Variants in TFIP11 observed in about 807,000 individuals in gnomAD.
The protein encoded by TFIP11 is tuftelin interacting protein 11, also known as tuftelin-interacting protein 11.
TFIP11 carries 86 observed loss-of-function variants against 96.8 expected under a neutral mutation model. The ratio of observed to expected loss-of-function variants is 0.89; its 90% confidence interval spans 0.75 to 1.06. The LOEUF is 1.06. TFIP11 is among the 50% of genes least tolerant of loss of function. TFIP11 has a pLI of 0.00. For missense variants in TFIP11, 881 were observed against 1,076.7 expected (o/e 0.82, Z 2.54); for synonymous variants, 405 against 395.2 (o/e 1.02, Z -0.29).
intron 6 of TFIP11, 142 bp downstream of exon 6, chr22:26,506,161 G>C: frequency 1.3e-6 from 1 of 785,770 alleles, no homozygotes. Flanking sequence ...GGTAGCTTAG[G>C]AACGCAAATG....
At position 26,495,712 on chromosome 22, in the gene TFIP11, A is replaced by AT. The variant is rs1027763702; in HGVS notation, c.1849+360dup. On this transcript the variant is annotated intron_variant, in intron 12 of 14. Coordinates refer to ENST00000407690, the MANE Select transcript of TFIP11 (RefSeq NM_012143.4). ...TGTGTGTGTGTGTGTATGTATATAT[A>AT]TTTTTTTTGCTAACCTGGAAATAAC... 2.6e-5 allele frequency among the ~76,000 whole-genome samples: 4 copies of AT among 150,976 alleles called. No homozygotes were observed. In the South Asian group the frequency reaches 6.3e-4, roughly 24 times the overall value.
chr22:26,506,650 C>A, intron 5 of TFIP11, 125 bp downstream of exon 5: 1 of 1,383,570 alleles, frequency 7.2e-7, no homozygotes, highest in Non-Finnish European at 1.0e-6. Flanking sequence ...TCACAGAAAC[C>A]TGCCACCAAA....
In TFIP11 at chr22:26,503,806, A is replaced by G. The variant is rs528321103; in HGVS notation, c.521-13T>C. ...GGGTTAATGATACCTGAGGAATTTC[A>G]GCAAAAAAAAAAGAGAGTCTTACGA... On this transcript the variant is annotated splice_polypyrimidine_tract_variant and intron_variant, in intron 6 of 14. Coordinates refer to ENST00000407690, the MANE Select transcript of TFIP11 (RefSeq NM_012143.4). 1 of 1,606,018 alleles carries G rather than the reference A, an allele frequency of 6.2e-7. No individual in the cohort carries two copies. The highest frequency in any genetic ancestry group is 2.2e-5 in the East Asian group (1 of 44,830).
In TFIP11 at chr22:26,491,250, C is replaced by A. The variant is rs1921133892; in HGVS notation, c.*763G>T. On this transcript the variant is annotated 3_prime_UTR_variant, in exon 15 of 15. Transcript: ENST00000407690. Reference sequence around the variant, plus strand: ...TCTTTAATGCATCTCTTAGTTTTTTCCTTATTTCCTTTATTCTTAGTATCA... The same window carrying A: ...TCTTTAATGCATCTCTTAGTTTTTTACTTATTTCCTTTATTCTTAGTATCA... The A allele has an allele frequency of 1.3e-6, 1 of 749,362 alleles. No individual in the cohort carries two copies. 46.4% of individuals were successfully genotyped at this position (749,362 alleles called of 1,614,324 possible). A position where few individuals can be genotyped will look rare whatever the true frequency, so the allele number is the denominator to read the frequency against.
intron 10 of TFIP11, 93 bp from the exon 11 acceptor site, chr22:26,496,982 A>C (rs1364246504): frequency 1.0e-5 from 15 of 1,439,930 alleles, no homozygotes; most frequent in Non-Finnish European, 1.3e-5. Flanking sequence ...TCAGGAATAA[A>C]AATGCAACAG....
chr22:26,498,034 T>G (rs2147128910), intron 10 of TFIP11, among the ~76,000 whole-genome samples: 1 of 152,220 alleles, frequency 6.6e-6, no homozygotes, highest in Non-Finnish European at 1.5e-5. Context: ...GGAATATGAC[T>G]CAGCCATAAA....
chr22:26,502,190 A>G (rs747189433), intron 7 of TFIP11, 138 bp from the exon 8 acceptor site: 2 of 1,034,712 alleles, frequency 1.9e-6, no homozygotes, highest in Non-Finnish European at 2.8e-6. Flanking sequence ...GAAGGAAAGG[A>G]TGCACCTGCA....
chr22:26,498,541 CAAAA>C (rs10716815), intron 10 of TFIP11, among the ~76,000 whole-genome samples: 11 of 83,582 alleles, frequency 1.3e-4, no homozygotes, highest in Admixed American at 6.4e-4. Flanking sequence ...GACTCCATCT[CAAAA>C]AAAAAAAAAA....
Position 26,506,302 on chromosome 22 carries a change from C to T in TFIP11, c.520+1G>A. On this transcript the variant is annotated splice_donor_variant, in intron 6 of 14. Transcript: ENST00000407690. LOFTEE classifies it high-confidence loss of function. ...CATGCAAGACGACAAAGGTGCAATA[C>T]CTTGTGCATTCTTCCCGAGGCCCCG... 1 of 1,604,312 alleles carries T rather than the reference C, an allele frequency of 6.2e-7. No homozygotes were observed. Among genetic ancestry groups the T allele is most frequent in the Admixed American group, 1.7e-5 (1 of 57,332 alleles).
In TFIP11 at chr22:26,495,047, C is replaced by T. The variant is rs561842167; in HGVS notation, c.1850-108G>A. ...TTTCATCTCAGCTTACAGCAACCTC[C>T]GCCTCCCGGGTTCAAGTGACTCTTG... is the stretch of plus-strand genomic sequence containing the variant. On this transcript the variant is annotated intron_variant, in intron 12 of 14. Coordinates refer to ENST00000407690, the MANE Select transcript of TFIP11 (RefSeq NM_012143.4). 312 of 1,463,166 alleles carry T rather than the reference C, an allele frequency of 2.1e-4. 3 individuals are homozygous for T. In the South Asian group the frequency reaches 3.5e-3, roughly 16 times the overall value. 90.6% of individuals were successfully genotyped at this position (1,463,166 alleles called of 1,614,324 possible). A position where few individuals can be genotyped will look rare whatever the true frequency, so the allele number is the denominator to read the frequency against.
At chr22:26,495,660 A>ATG (rs200834459) in intron 12 of TFIP11, among the ~76,000 whole-genome samples, 1,486 of 61,292 alleles carry the variant, frequency 0.024, 28 homozygotes, top group African/African-American at 0.07. Context: ...ATGTATATGC[A>ATG]TGTGTGTATA....
chr22:26,502,186 A>G (rs1481379274), intron 7 of TFIP11, 134 bp from the exon 8 acceptor site: 2 of 1,108,632 alleles, frequency 1.8e-6, no homozygotes, highest in Non-Finnish European at 2.6e-6. Flanking sequence ...GAAGGAAGGA[A>G]AGGATGCACC....
At chr22:26,503,552 G>A in intron 7 of TFIP11, 114 bp downstream of exon 7, 1 of 1,329,490 alleles carries the variant, frequency 7.5e-7, no homozygotes, top group East Asian at 2.3e-5. Flanking sequence ...CCAGTACCTG[G>A]CATACGGTAC....
chr22:26,495,051 TCC>T, intron 12 of TFIP11, 112 bp from the exon 13 acceptor site: 1 of 1,438,414 alleles, frequency 7.0e-7, no homozygotes, highest in Non-Finnish European at 9.4e-7. Flanking sequence ...AACCTCCGCC[TCC>T]CGGGTTCAAG....
Position 26,496,305 on chromosome 22 carries a change from CCA to C in TFIP11, c.1615_1616del (p.Trp539GlufsTer33), listed in dbSNP as rs1922039181. On this transcript the variant is annotated frameshift_variant, in exon 12 of 15. Coordinates refer to ENST00000407690, the MANE Select transcript of TFIP11 (RefSeq NM_012143.4). LOFTEE classifies it high-confidence loss of function. ...TGGGAACAGTGTCTGTGAGCGGGTTCCAGTTTTCCACCTGCGAAGTGGGGAGG... is the reference window on the plus strand; with the variant it reads ...TGGGAACAGTGTCTGTGAGCGGGTTCGTTTTCCACCTGCGAAGTGGGGAGG... The part of the protein sequence containing the change: ...FPKLQKEVEN[W>X]NPLTDTVPIH... 1 of 1,596,260 alleles carries C rather than the reference CCA, an allele frequency of 6.3e-7. No individual in the cohort carries two copies. Among genetic ancestry groups the C allele is most frequent in the African/African-American group, 1.3e-5 (1 of 74,482 alleles).
chr22:26,492,258 T>C lies in TFIP11; in HGVS notation c.2269A>G (p.Met757Val), dbSNP rs1921297136. ...GCCACGCCAATGCCCCTCTGAGCCA[T>C]GTTCTCAGCCTCCCGCCTCTCCTGC... is the stretch of plus-strand genomic sequence containing the variant. The part of the protein sequence containing the change: ...AMQERREAEN[M>V]AQRGIGVAAS... The change falls in exon 15 of 15, where the codon ATG (methionine) becomes GTG (valine). Residue 757 changes from methionine to valine, a missense_variant. Met to Val is a conservative substitution (Grantham distance 21). Coordinates refer to ENST00000407690, the MANE Select transcript of TFIP11 (RefSeq NM_012143.4). 4 of 1,614,204 alleles carry C rather than the reference T, an allele frequency of 2.5e-6. No individual in the cohort carries two copies. The highest frequency in any genetic ancestry group is 1.3e-5 in the African/African-American group (1 of 75,048).
intron 6 of TFIP11, among the ~76,000 whole-genome samples, chr22:26,505,696 CTATTTATTTATTTATT>C (rs67577358): frequency 0.15 from 21,870 of 143,200 alleles, 2,011 homozygotes; most frequent in African/African-American, 0.26. Flanking sequence ...TTTATTTATT[CTATTTATTTATTTATT>C]TATTTATTTA....
At chr22:26,501,862 G>C (rs1922833472) in intron 8 of TFIP11, 38 bp downstream of exon 8, 1 of 1,572,440 alleles carries the variant, frequency 6.4e-7, no homozygotes, top group South Asian at 1.2e-5. Context: ...TATTTCTGGG[G>C]TGTGGATCCT....
At chr22:26,501,553 G>A (rs939031913) in intron 8 of TFIP11, among the ~76,000 whole-genome samples, 2 of 151,696 alleles carry the variant, frequency 1.3e-5, no homozygotes, top group African/African-American at 4.8e-5. Context: ...TAAACACTTT[G>A]CACTGAGTTT....
Sources: gnomAD v4.1 joint callset for allele counts (sites outside exome capture counted in the v4.1 genomes callset) on GRCh38, gnomAD v4.1.1 for gene constraint, MANE v1.5 for transcripts, NCBI Gene and HGNC (gene_info 2026-07-23, HGNC 2026-07-21) for gene names.